The following NR6A1 variants were observed in gnomAD, a reference collection of about 807,000 sequenced individuals.
NR6A1 encodes nuclear receptor subfamily 6 group A member 1, also known as retinoic acid receptor-related testis-associated receptor.
Under a neutral mutation model 59.1 loss-of-function variants are expected in NR6A1, and 7 were observed. The observed-to-expected ratio is 0.12, with a 90% CI of 0.07 to 0.22. The LOEUF is 0.22. Among genes scored for constraint, NR6A1 ranks in the 10% least tolerant of loss-of-function variants. NR6A1 has a pLI of 1.00. For synonymous variants in NR6A1, 243 were observed against 236.1 expected (o/e 1.03, Z -0.27); for missense variants, 468 against 611.6 (o/e 0.77, Z 2.48).
chr9:124,763,605 A>G (rs929864626), intron 1 of NR6A1, among the ~76,000 whole-genome samples: 1 of 152,236 alleles, frequency 6.6e-6, no homozygotes, highest in African/African-American at 2.4e-5. Context: ...AGAAAATACA[A>G]TTGAGTACTA....
At chr9:124,656,434 T>C (rs1284422025) in intron 2 of NR6A1, among the ~76,000 whole-genome samples, 1 of 152,192 alleles carries the variant, frequency 6.6e-6, no homozygotes, top group Non-Finnish European at 1.5e-5. Context: ...TGCGACAACA[T>C]GCATGAACCT....
At chr9:124,531,076 T>G (rs1322388710) in intron 7 of NR6A1, among the ~76,000 whole-genome samples, 1 of 152,238 alleles carries the variant, frequency 6.6e-6, no homozygotes, top group African/African-American at 2.4e-5. Flanking sequence ...TCATTACAAA[T>G]AGCATCATCA....
chr9:124,741,575 C>T (rs1840174511), intron 1 of NR6A1, among the ~76,000 whole-genome samples: 1 of 152,176 alleles, frequency 6.6e-6, no homozygotes, highest in Admixed American at 6.5e-5. Context: ...TTGTACACTT[C>T]AAATGGTTAA....
chr9:124,572,916 T>C (rs1208321228), intron 2 of NR6A1, among the ~76,000 whole-genome samples: 1 of 152,266 alleles, frequency 6.6e-6, no homozygotes, highest in Non-Finnish European at 1.5e-5. Context: ...TCAAAAAGCA[T>C]TAAAGTGAGG....
chr9:124,578,296 T>C (rs1231283947), intron 2 of NR6A1, among the ~76,000 whole-genome samples: 1 of 152,190 alleles, frequency 6.6e-6, no homozygotes, highest in Non-Finnish European at 1.5e-5. Context: ...GAGGCCTGTA[T>C]CTACACTGCC....
At chr9:124,585,647 A>G (rs1046203996) in intron 2 of NR6A1, among the ~76,000 whole-genome samples, 1 of 152,028 alleles carries the variant, frequency 6.6e-6, no homozygotes, top group Non-Finnish European at 1.5e-5. Context: ...TGGCTACACT[A>G]AACAACTGAT....
chr9:124,644,060 C>T (rs1836856320), intron 2 of NR6A1, among the ~76,000 whole-genome samples: 1 of 151,774 alleles, frequency 6.6e-6, no homozygotes, highest in African/African-American at 2.4e-5. Context: ...GCCACCATGC[C>T]CTGCTAATTT....
At chr9:124,765,651 C>T (rs905997213) in intron 1 of NR6A1, among the ~76,000 whole-genome samples, 1 of 152,084 alleles carries the variant, frequency 6.6e-6, no homozygotes, top group African/African-American at 2.4e-5. Flanking sequence ...CCCCAGCAGC[C>T]GGCTGAGGAA....
chr9:124,678,869 G>C (rs77655951), intron 2 of NR6A1, among the ~76,000 whole-genome samples: 1 of 152,116 alleles, frequency 6.6e-6, no homozygotes, highest in Non-Finnish European at 1.5e-5. Flanking sequence ...AAAAGGGAGC[G>C]ACCCAGTCCT....
chr9:124,666,127 T>C (rs1837605097), intron 2 of NR6A1, among the ~76,000 whole-genome samples: 2 of 152,184 alleles, frequency 1.3e-5, no homozygotes, highest in African/African-American at 4.8e-5. Flanking sequence ...TCTTTTTCTT[T>C]GTTCACTGAA....
At chr9:124,739,175 G>A (rs1198655802) in intron 1 of NR6A1, among the ~76,000 whole-genome samples, 3 of 147,348 alleles carry the variant, frequency 2.0e-5, no homozygotes, top group East Asian at 4.0e-4. Flanking sequence ...ACAACAGAGC[G>A]AGACTCCATC....
In NR6A1 at chr9:124,629,568, C is replaced by T. The variant is rs557825023; in HGVS notation, c.143-74998G>A. Among the ~76,000 whole-genome samples, 22 of 152,338 alleles carry T rather than the reference C, an allele frequency of 1.4e-4. 1 individual carries two copies. The South Asian group carries it at 4.6e-3, about 32-fold the overall frequency. Reference sequence around the variant, plus strand: ...CCAAGTGGGCAGAGCTAGAACCTGACTCCAAGTTTTGAGTGTTTTTTCCTT... The same window carrying T: ...CCAAGTGGGCAGAGCTAGAACCTGATTCCAAGTTTTGAGTGTTTTTTCCTT... On this transcript the variant is annotated intron_variant, in intron 2 of 9. Transcript: ENST00000487099.
Position 124,517,615 on chromosome 9 carries a change from C to T in NR6A1, c.*5090G>A, listed in dbSNP as rs1176468903. ...AGGGCAGGTAACCTGGGGGTAGGCT[C>T]GTGGATGTGTGTGCCACTAGAGCCC... On this transcript the variant is annotated 3_prime_UTR_variant, in exon 10 of 10. Coordinates refer to ENST00000487099, the MANE Select transcript of NR6A1 (RefSeq NM_033334.4). The T allele has an allele frequency of 1.3e-5, 2 of 152,222 alleles. No homozygotes were observed. The highest frequency in any genetic ancestry group is 2.9e-5 in the Non-Finnish European group (2 of 68,108). 9.4% of individuals were successfully genotyped at this position (152,222 alleles called of 1,614,324 possible).
At chr9:124,671,273 T>A (rs911964347) in intron 2 of NR6A1, among the ~76,000 whole-genome samples, 3 of 152,212 alleles carry the variant, frequency 2.0e-5, no homozygotes, top group Admixed American at 6.5e-5. Context: ...ACAACTTTTT[T>A]AAAAAGATGC....
At chr9:124,598,926 C>A in intron 2 of NR6A1, 2 of 700,810 alleles carry the variant, frequency 2.9e-6, no homozygotes, top group South Asian at 1.5e-5. Context: ...TTGGGGCACT[C>A]GTCGTTCCAG....
intron 2 of NR6A1, among the ~76,000 whole-genome samples, chr9:124,565,563 G>C (rs559758555): frequency 1.3e-5 from 2 of 152,252 alleles, no homozygotes; most frequent in Non-Finnish European, 2.9e-5. Flanking sequence ...CAGCATGGGA[G>C]AAGACACATG....
intron 2 of NR6A1, among the ~76,000 whole-genome samples, chr9:124,588,859 G>T (rs1835014643): frequency 6.7e-6 from 1 of 148,686 alleles, no homozygotes; most frequent in African/African-American, 2.5e-5. Flanking sequence ...AGCAGAGCTT[G>T]CAGTGAGCCG....
In NR6A1 at chr9:124,742,807, T is replaced by C. The variant is rs147418112; in HGVS notation, c.101-9458A>G. Among the ~76,000 whole-genome samples, 1,261 of 150,032 alleles carry C rather than the reference T, an allele frequency of 8.4e-3. 8 individuals are homozygous for C. Among genetic ancestry groups the C allele is most frequent in the Non-Finnish European group, 0.013 (881 of 67,378 alleles). On this transcript the variant is annotated intron_variant, in intron 1 of 9. Transcript: ENST00000487099. ...AGGAGAATCACGTGAACCCGGGAAG[T>C]AGAGGTTGCAGTGAGCCGAGATGGT...
intron 2 of NR6A1, among the ~76,000 whole-genome samples, chr9:124,642,112 G>C (rs926298693): frequency 6.6e-6 from 1 of 152,098 alleles, no homozygotes; most frequent in East Asian, 1.9e-4. Context: ...GCAGTGGCGC[G>C]ATCTCAGCTC....
Sources: gnomAD v4.1 joint callset for allele counts (sites outside exome capture counted in the v4.1 genomes callset) on GRCh38, gnomAD v4.1.1 for gene constraint, MANE v1.5 for transcripts, NCBI Gene and HGNC (gene_info 2026-07-23, HGNC 2026-07-21) for gene names.